The following PACSIN2 variants were observed in gnomAD, a reference collection of about 807,000 sequenced individuals.
PACSIN2 encodes protein kinase C and casein kinase substrate in neurons 2.
Under a neutral mutation model 63.8 loss-of-function variants are expected in PACSIN2, and 25 were observed. That is an observed-to-expected ratio of 0.39 (90% CI 0.29 to 0.55). PACSIN2 has a LOEUF of 0.55. Among genes scored for constraint, PACSIN2 ranks in the 20% least tolerant of loss-of-function variants. The probability of loss-of-function intolerance (pLI) is 0.62; values close to 1 mark genes in which losing one functional copy is unlikely to be tolerated. For missense variants in PACSIN2, 518 were observed against 646.9 expected (o/e 0.80, Z 2.16); for synonymous variants, 255 against 256.2 (o/e 1.00, Z 0.05).
rs372840444 is a variant in PACSIN2 at position 42,882,159 on chromosome 22, G to A, written c.906+25C>T. On this transcript the variant is annotated intron_variant, in intron 7 of 10. Transcript: ENST00000263246. The stretch of plus-strand genomic sequence containing the variant: ...CCCAGGTCCTCTTCCAGGCTGATGA[G>A]CTCATGGGCACACCCTCCTCTTACC... The A allele has an allele frequency of 5.0e-6, 8 of 1,613,292 alleles. No homozygotes were observed. The African/African-American group carries it at 9.3e-5, about 19-fold the overall frequency.
chr22:42,890,280 G>A (rs113913432), intron 4 of PACSIN2, among the ~76,000 whole-genome samples: 72 of 152,262 alleles, frequency 4.7e-4, no homozygotes, highest in African/African-American at 1.6e-3. Flanking sequence ...GATTACAGGC[G>A]TGAGCCACCG....
chr22:42,957,420 G>A (rs1272991749), intron 1 of PACSIN2, among the ~76,000 whole-genome samples: 3 of 151,928 alleles, frequency 2.0e-5, no homozygotes, highest in African/African-American at 7.3e-5. Context: ...CCTCCCCAAG[G>A]TATTTTAAGG....
intron 1 of PACSIN2, among the ~76,000 whole-genome samples, chr22:42,983,088 G>T (rs1346941109): frequency 6.6e-6 from 1 of 151,062 alleles, no homozygotes; most frequent in Non-Finnish European, 1.5e-5. Flanking sequence ...AAGCTGAGGC[G>T]GGTGGATTAC....
At chr22:42,948,683 T>C (rs1172561924) in intron 1 of PACSIN2, among the ~76,000 whole-genome samples, 1 of 152,004 alleles carries the variant, frequency 6.6e-6, no homozygotes, top group African/African-American at 2.4e-5. Context: ...CATGAGAGGA[T>C]TTGGTTTTCA....
intron 2 of PACSIN2, among the ~76,000 whole-genome samples, chr22:42,906,864 G>T (rs1931111237): frequency 6.6e-6 from 1 of 152,148 alleles, no homozygotes; most frequent in Admixed American, 6.5e-5. Context: ...TTTGCCAAAA[G>T]AGAAAAAAAG....
intron 1 of PACSIN2, among the ~76,000 whole-genome samples, chr22:42,955,811 C>CA (rs1933892415): frequency 6.6e-6 from 1 of 152,174 alleles, no homozygotes; most frequent in Non-Finnish European, 1.5e-5. Context: ...TTCTGTCTTC[C>CA]AAATCAATAG....
At chr22:42,993,030 G>A (rs1923150001) in intron 1 of PACSIN2, among the ~76,000 whole-genome samples, 1 of 152,114 alleles carries the variant, frequency 6.6e-6, no homozygotes, top group African/African-American at 2.4e-5. Context: ...GCCGGGCATG[G>A]CAGCATGCAC....
At chr22:42,919,331 G>T (rs1932012989) in intron 1 of PACSIN2, among the ~76,000 whole-genome samples, 1 of 152,110 alleles carries the variant, frequency 6.6e-6, no homozygotes, top group South Asian at 2.1e-4. Flanking sequence ...GGCTCGGGGC[G>T]ACAGCTGTGA....
chr22:43,010,400 T>TATATATATA (rs1569377806), intron 1 of PACSIN2, among the ~76,000 whole-genome samples: 19 of 44,034 alleles, frequency 4.3e-4, no homozygotes, highest in African/African-American at 1.7e-3. Flanking sequence ...ATATATATAT[T>TATATATATA]TTTTTTTAAT....
intron 7 of PACSIN2, among the ~76,000 whole-genome samples, chr22:42,881,259 T>C (rs1379048295): frequency 2.0e-5 from 3 of 152,174 alleles, no homozygotes; most frequent in African/African-American, 4.8e-5. Context: ...CCTGGGTCAA[T>C]AGCCCTGCGT....
At chr22:42,928,713 C>G (rs1261599259) in intron 1 of PACSIN2, among the ~76,000 whole-genome samples, 1 of 152,046 alleles carries the variant, frequency 6.6e-6, no homozygotes, top group Admixed American at 6.6e-5. Context: ...ACCTGGAACA[C>G]CAAATTTAAG....
In PACSIN2 at chr22:42,987,481, CACACACACACACCCAT is replaced by C. The variant is rs1194176735; in HGVS notation, c.-78+27524_-78+27539del. Among the ~76,000 whole-genome samples, 987 of 117,366 alleles carry C rather than the reference CACACACACACACCCAT, an allele frequency of 8.4e-3. 16 individuals are homozygous for C. Among genetic ancestry groups the C allele is most frequent in the African/African-American group, 0.026 (759 of 29,702 alleles). The allele number at this position is 117,366 out of a possible 152,430, so 77.0% of individuals were successfully genotyped here. A position where few individuals can be genotyped will look rare whatever the true frequency, so the allele number is the denominator to read the frequency against. On this transcript the variant is annotated intron_variant, in intron 1 of 10. Transcript: ENST00000263246. ...ACACACACACACACACACACACACA[CACACACACACACCCAT>C]GGCACCATGTTCAGAAGACGGGCAC...
chr22:42,900,443 G>T (rs1253033829), intron 2 of PACSIN2, among the ~76,000 whole-genome samples: 1 of 152,238 alleles, frequency 6.6e-6, no homozygotes, highest in Non-Finnish European at 1.5e-5. Flanking sequence ...ATGCTAGCCA[G>T]GGGATACTAT....
At chr22:42,983,426 G>A (rs1328615894) in intron 1 of PACSIN2, among the ~76,000 whole-genome samples, 2 of 142,368 alleles carry the variant, frequency 1.4e-5, no homozygotes, top group Non-Finnish European at 3.0e-5. Context: ...GAAGGCGGAG[G>A]TTGCAGTGAG....
chr22:42,931,132 G>C (rs140470826), intron 1 of PACSIN2, among the ~76,000 whole-genome samples: 1 of 152,370 alleles, frequency 6.6e-6, no homozygotes, highest in East Asian at 1.9e-4. Flanking sequence ...GAGGGAGGCA[G>C]ACACCTAACT....
chr22:42,943,893 A>G (rs1933289624), intron 1 of PACSIN2, among the ~76,000 whole-genome samples: 1 of 152,232 alleles, frequency 6.6e-6, no homozygotes, highest in African/African-American at 2.4e-5. Context: ...AAAGAAAAAG[A>G]CACAATTGAT....
chr22:42,891,865 G>A (rs926983755), intron 3 of PACSIN2, among the ~76,000 whole-genome samples: 2 of 152,344 alleles, frequency 1.3e-5, no homozygotes. Flanking sequence ...CCATGCCAAC[G>A]CTTCTCCTGG....
chr22:42,877,126 G>A, intron 8 of PACSIN2, 116 bp from the exon 9 acceptor site: 6 of 1,096,882 alleles, frequency 5.5e-6, no homozygotes, highest in African/African-American at 1.6e-5. Context: ...TGACCGGAGG[G>A]GACCGTGGTG....
intron 2 of PACSIN2, among the ~76,000 whole-genome samples, chr22:42,905,290 C>T (rs1254485345): frequency 4.6e-5 from 7 of 152,362 alleles, no homozygotes; most frequent in African/African-American, 7.2e-5. Context: ...ATTCATCCAC[C>T]TTTTCCTGTC....
Sources: gnomAD v4.1 joint callset for allele counts (sites outside exome capture counted in the v4.1 genomes callset) on GRCh38, gnomAD v4.1.1 for gene constraint, MANE v1.5 for transcripts, NCBI Gene and HGNC (gene_info 2026-07-23, HGNC 2026-07-21) for gene names.